ANO4: variants seen among roughly 807,000 people sequenced by gnomAD.
The protein encoded by ANO4 is anoctamin-4.
In ANO4, 69 loss-of-function variants were observed where a neutral mutation model predicts 141.9. The observed-to-expected ratio is 0.49, with a 90% CI of 0.40 to 0.59. The LOEUF (loss-of-function observed/expected upper bound fraction) is 0.59. ANO4 is among the 20% of genes least tolerant of loss of function. The pLI is 0.00. For synonymous variants in ANO4, 350 were observed against 394.3 expected (o/e 0.89, Z 1.33); for missense variants, 894 against 1,162.2 (o/e 0.77, Z 3.36).
At chr12:100,802,232 T>G (rs753982207) in intron 1 of ANO4, among the ~76,000 whole-genome samples, 13 of 152,312 alleles carry the variant, frequency 8.5e-5, no homozygotes, top group Non-Finnish European at 1.6e-4. Context: ...ACAATTAACT[T>G]TGTGCTATTT....
rs559836064 is a variant in ANO4 at position 100,981,627 on chromosome 12, G to T, written c.603-5912G>T. Among the ~76,000 whole-genome samples the T allele has an allele frequency of 2.0e-5, 3 of 152,290 alleles. No individual in the cohort carries two copies. In the East Asian group the frequency reaches 5.8e-4, roughly 29 times the overall value. On this transcript the variant is annotated intron_variant, in intron 7 of 27. Coordinates refer to ENST00000392977, the MANE Select transcript of ANO4 (RefSeq NM_001286615.2). ...AATATTCTTTACTGGGGAAAAGTAG[G>T]TGTCTTCAAAGTAGGCCTGCTTCAT...
chr12:100,748,151 G>A (rs1593262977), intron 3 of ANO4, among the ~76,000 whole-genome samples: 1 of 152,140 alleles, frequency 6.6e-6, no homozygotes, highest in South Asian at 2.1e-4. Flanking sequence ...ATGTTATGTT[G>A]CTATGAATTT....
chr12:100,766,903 C>CAT (rs2033109224), intron 3 of ANO4, among the ~76,000 whole-genome samples: 1 of 152,082 alleles, frequency 6.6e-6, no homozygotes, highest in Non-Finnish European at 1.5e-5. Context: ...GCACTGGGTA[C>CAT]ATATATATTT....
At chr12:101,073,873 G>A (rs1443638660) in intron 14 of ANO4, among the ~76,000 whole-genome samples, 1 of 152,060 alleles carries the variant, frequency 6.6e-6, no homozygotes, top group East Asian at 1.9e-4. Flanking sequence ...TTGTGGGTAT[G>A]TTTTTATTTT....
chr12:100,950,871 C>T (rs1008395291), intron 5 of ANO4, among the ~76,000 whole-genome samples: 2 of 152,172 alleles, frequency 1.3e-5, no homozygotes, highest in Admixed American at 6.5e-5. Context: ...GGTATTCAGA[C>T]AGCACTTTTT....
At chr12:101,105,264 G>T in intron 22 of ANO4, among the ~76,000 whole-genome samples, 1 of 152,124 alleles carries the variant, frequency 6.6e-6, no homozygotes. Flanking sequence ...TCTCTTATCT[G>T]CCTAACATCA....
chr12:101,057,671 A>G (rs147417253), intron 14 of ANO4, among the ~76,000 whole-genome samples: 101 of 152,208 alleles, frequency 6.6e-4, no homozygotes, highest in Non-Finnish European at 9.1e-4. Context: ...TCTTTTGAGA[A>G]GTTTCTGTTC....
chr12:100,728,607 G>A (rs2031241114), intron 1 of ANO4, among the ~76,000 whole-genome samples: 1 of 152,132 alleles, frequency 6.6e-6, no homozygotes, highest in Admixed American at 6.5e-5. Context: ...CTGCATAATA[G>A]AGTTATACCT....
intron 1 of ANO4, among the ~76,000 whole-genome samples, chr12:100,886,220 C>A (rs1402319131): frequency 1.3e-5 from 2 of 151,188 alleles, no homozygotes; most frequent in East Asian, 3.9e-4. Context: ...GCAACCCCCA[C>A]CCCCAGACCC....
At chr12:100,954,951 G>A (rs1366364853) in intron 5 of ANO4, among the ~76,000 whole-genome samples, 2 of 152,150 alleles carry the variant, frequency 1.3e-5, no homozygotes, top group Non-Finnish European at 2.9e-5. Flanking sequence ...TGTGATGCAG[G>A]GGAGGGAAAA....
At chr12:100,748,225 A>G (rs1046811557) in intron 3 of ANO4, among the ~76,000 whole-genome samples, 1 of 152,228 alleles carries the variant, frequency 6.6e-6, no homozygotes. Context: ...ATGTCTTATA[A>G]CAAATTGTGA....
At chr12:100,919,732 G>GTATC (rs763584121) in intron 2 of ANO4, among the ~76,000 whole-genome samples, 1,675 of 111,950 alleles carry the variant, frequency 0.015, 7 homozygotes, top group Admixed American at 0.022. Context: ...ATGTGTGTAT[G>GTATC]TATGTATCTA....
At chr12:100,981,257 A>C (rs980912493) in intron 7 of ANO4, among the ~76,000 whole-genome samples, 1 of 152,226 alleles carries the variant, frequency 6.6e-6, no homozygotes, top group Admixed American at 6.5e-5. Context: ...CCTGTGACCT[A>C]AAAGAATAAC....
intron 15 of ANO4, among the ~76,000 whole-genome samples, chr12:101,081,989 G>A (rs1204138351): frequency 1.3e-5 from 2 of 152,076 alleles, no homozygotes; most frequent in Non-Finnish European, 2.9e-5. Context: ...TCAGTACTGC[G>A]GGTTAGGACT....
At chr12:100,776,011 A>C (rs528422263) in intron 3 of ANO4, among the ~76,000 whole-genome samples, 4 of 152,316 alleles carry the variant, frequency 2.6e-5, no homozygotes, top group Admixed American at 2.6e-4. Context: ...AGGCTGAATG[A>C]TGATAATAGT....
At chr12:101,017,302 A>G (rs887024290) in intron 8 of ANO4, among the ~76,000 whole-genome samples, 1 of 152,148 alleles carries the variant, frequency 6.6e-6, no homozygotes, top group African/African-American at 2.4e-5. Context: ...CTTACTCACT[A>G]TCACAAGAAC....
intron 1 of ANO4, among the ~76,000 whole-genome samples, chr12:100,840,139 A>AATG (rs1267250917): frequency 6.6e-6 from 1 of 151,726 alleles, no homozygotes; most frequent in East Asian, 1.9e-4. Context: ...TAATAATAAT[A>AATG]ATAACAATAA....
At chr12:101,110,261 C>A in intron 22 of ANO4, 143 bp from the exon 23 acceptor site, 1 of 832,440 alleles carries the variant, frequency 1.2e-6, no homozygotes, top group Non-Finnish European at 1.6e-6. Flanking sequence ...GTCTCCTGGC[C>A]ATCTTTCTGG....
At chr12:100,849,871 G>A (rs1346660438) in intron 1 of ANO4, among the ~76,000 whole-genome samples, 1 of 152,118 alleles carries the variant, frequency 6.6e-6, no homozygotes, top group Admixed American at 6.5e-5. Flanking sequence ...GGACCTTGTG[G>A]GCTCCGGATC....
Sources: allele counts gnomAD v4.1 joint callset (sites outside exome capture counted in the v4.1 genomes callset), GRCh38; gene constraint gnomAD v4.1.1; transcripts MANE v1.5; gene names NCBI Gene and HGNC (gene_info 2026-07-23, HGNC 2026-07-21).